Variants in SLC13A3 observed in about 807,000 individuals in gnomAD.
The protein encoded by SLC13A3 is Na(+)/dicarboxylate cotransporter 3.
Under a neutral mutation model 59.0 loss-of-function variants are expected in SLC13A3, and 40 were observed. The ratio of observed to expected loss-of-function variants is 0.68; its 90% confidence interval spans 0.53 to 0.88. The LOEUF (loss-of-function observed/expected upper bound fraction) is 0.88. SLC13A3 is among the 40% of genes least tolerant of loss of function. The pLI is 0.00. For synonymous variants in SLC13A3, 317 were observed against 330.3 expected (o/e 0.96, Z 0.44); for missense variants, 699 against 783.2 (o/e 0.89, Z 1.28).
intron 4 of SLC13A3, among the ~76,000 whole-genome samples, chr20:46,598,806 G>C (rs10854171): frequency 0.26 from 38,286 of 149,096 alleles, 5,457 homozygotes; most frequent in East Asian, 0.45. Context: ...TCTCCCCCCC[G>C]AAGCCAACTC....
chr20:46,612,803 T>C (rs182719763), intron 2 of SLC13A3, among the ~76,000 whole-genome samples: 51 of 152,224 alleles, frequency 3.4e-4, no homozygotes, highest in Admixed American at 2.6e-3. Context: ...AGAATAAAAG[T>C]CCAAATCCTA....
At chr20:46,598,776 T>A (rs2062342050) in intron 4 of SLC13A3, among the ~76,000 whole-genome samples, 1 of 152,082 alleles carries the variant, frequency 6.6e-6, no homozygotes, top group African/African-American at 2.4e-5. Flanking sequence ...TCCCACATGC[T>A]CTGTCCTCCA....
intron 1 of SLC13A3, among the ~76,000 whole-genome samples, chr20:46,663,008 G>T (rs918662829): frequency 3.3e-5 from 5 of 152,134 alleles, no homozygotes; most frequent in African/African-American, 1.2e-4. Flanking sequence ...TCTGCTTGGG[G>T]GCTGGGCATG....
At chr20:46,566,488 C>G in intron 10 of SLC13A3, 98 bp from the exon 11 acceptor site, 1 of 1,377,610 alleles carries the variant, frequency 7.3e-7, no homozygotes, top group Non-Finnish European at 9.8e-7. Context: ...GACCATACCC[C>G]TTCCCAGATG....
intron 1 of SLC13A3, 98 bp downstream of exon 1, chr20:46,651,213 T>C: frequency 2.2e-6 from 3 of 1,382,198 alleles, no homozygotes; most frequent in Non-Finnish European, 2.8e-6. Context: ...GTGGAGCCTG[T>C]CTACACTGGG....
chr20:46,651,515 T>C, upstream of SLC13A3: 1 of 1,335,604 alleles, frequency 7.5e-7, no homozygotes, highest in Non-Finnish European at 9.5e-7. Flanking sequence ...GGGAGGGGAC[T>C]GCGCTGGGGA....
At chr20:46,614,766 C>T (rs571063628) in intron 1 of SLC13A3, among the ~76,000 whole-genome samples, 1 of 152,248 alleles carries the variant, frequency 6.6e-6, no homozygotes, top group Non-Finnish European at 1.5e-5. Context: ...CCAGGGTAGA[C>T]CAAAGCAATC....
intron 1 of SLC13A3, among the ~76,000 whole-genome samples, chr20:46,615,678 G>A (rs1007061190): frequency 6.6e-6 from 1 of 152,108 alleles, no homozygotes; most frequent in African/African-American, 2.4e-5. Flanking sequence ...TACTGAGATG[G>A]GGGAGACACA....
intron 5 of SLC13A3, among the ~76,000 whole-genome samples, chr20:46,594,092 C>T (rs575233064): frequency 3.5e-4 from 54 of 152,140 alleles, no homozygotes; most frequent in African/African-American, 1.3e-3. Flanking sequence ...TATTACCTAG[C>T]ATTCCTTTTA....
intron 1 of SLC13A3, among the ~76,000 whole-genome samples, chr20:46,633,400 T>C (rs2062763383): frequency 2.0e-5 from 3 of 152,340 alleles, no homozygotes; most frequent in African/African-American, 2.4e-5. Flanking sequence ...CCACCACTTA[T>C]AAGCCACCAG....
intron 12 of SLC13A3, 41 bp from the exon 13 acceptor site, chr20:46,560,239 C>A (rs1444865314): frequency 1.3e-6 from 2 of 1,587,328 alleles, no homozygotes; most frequent in South Asian, 2.2e-5. Flanking sequence ...CAGCACCTGA[C>A]CCACCATACA....
intron 2 of SLC13A3, 24 bp from the exon 3 acceptor site, chr20:46,610,633 GCAAATC>G (rs1403366036): frequency 6.3e-7 from 1 of 1,595,790 alleles, no homozygotes; most frequent in Admixed American, 1.7e-5. Context: ...GGCATTAGAG[GCAAATC>G]CAGAACCCAG....
chr20:46,636,696 G>A lies in SLC13A3; in HGVS notation c.111+14615C>T, dbSNP rs539697922. Among the ~76,000 whole-genome samples, 10 of 152,328 alleles carry A rather than the reference G, an allele frequency of 6.6e-5. No individual in the cohort carries two copies. The South Asian group carries it at 1.9e-3, about 28-fold the overall frequency. The stretch of plus-strand genomic sequence containing the variant: ...GGAAGTGCCTGGCTTTCACCTGCAG[G>A]GAAGTTCTTGGCCAATCTTGGCTCT... On this transcript the variant is annotated intron_variant, in intron 1 of 12. Transcript: ENST00000279027.
intron 8 of SLC13A3, chr20:46,584,052 C>A (rs1390059037): frequency 8.1e-6 from 8 of 985,226 alleles, no homozygotes; most frequent in Non-Finnish European, 9.6e-6. Context: ...GTGCTTGAAT[C>A]CCTCCTGGGA....
intron 3 of SLC13A3, among the ~76,000 whole-genome samples, chr20:46,604,150 G>T (rs574689241): frequency 2.0e-5 from 3 of 152,092 alleles, no homozygotes; most frequent in African/African-American, 7.2e-5. Context: ...CTTGTCTAAG[G>T]GCAAGGTGGC....
At chr20:46,584,557 G>T (rs1207858394) in intron 8 of SLC13A3, 47 of 891,134 alleles carry the variant, frequency 5.3e-5, no homozygotes, top group Non-Finnish European at 5.9e-5. Context: ...GGAAGAGATG[G>T]TCAATATCAC....
chr20:46,647,434 G>T (rs1442182626), intron 1 of SLC13A3, among the ~76,000 whole-genome samples: 1 of 152,158 alleles, frequency 6.6e-6, no homozygotes, highest in East Asian at 1.9e-4. Flanking sequence ...AGTCCCATCT[G>T]TGCCCACTAG....
intron 1 of SLC13A3, among the ~76,000 whole-genome samples, chr20:46,617,609 CGTGT>C (rs573612968): frequency 2.6e-4 from 18 of 69,266 alleles, no homozygotes; most frequent in African/African-American, 2.1e-3. Context: ...TGTGTGTGTG[CGTGT>C]GTGTGTGTGT....
chr20:46,637,827 G>C (rs1396086790), intron 1 of SLC13A3, among the ~76,000 whole-genome samples: 1 of 152,132 alleles, frequency 6.6e-6, no homozygotes, highest in Non-Finnish European at 1.5e-5. Context: ...CAGGAAGGCT[G>C]GTGCTAGGGT....
Sources: allele counts gnomAD v4.1 joint callset (sites outside exome capture counted in the v4.1 genomes callset), GRCh38; gene constraint gnomAD v4.1.1; transcripts MANE v1.5; gene names NCBI Gene and HGNC (gene_info 2026-07-23, HGNC 2026-07-21).